Variants in OLFM2 observed in about 807,000 individuals in gnomAD.
The protein encoded by OLFM2 is noelin-2.
In OLFM2, 20 loss-of-function variants were observed where a neutral mutation model predicts 43.9. The observed-to-expected ratio is 0.46, with a 90% CI of 0.32 to 0.66. The LOEUF (loss-of-function observed/expected upper bound fraction) is 0.66. Among genes scored for constraint, OLFM2 ranks in the 30% least tolerant of loss-of-function variants. OLFM2 has a pLI of 0.04. For synonymous variants in OLFM2, 268 were observed against 278.6 expected, an observed-to-expected ratio of 0.96 and a Z score of 0.38; for missense variants, 416 against 643.6, an observed-to-expected ratio of 0.65 and a Z score of 3.83.
In OLFM2 at chr19:9,856,989, G is replaced by A; in HGVS notation, c.581-76C>T. 8 of 1,238,842 alleles carry A rather than the reference G, an allele frequency of 6.5e-6. No homozygotes were observed. Among genetic ancestry groups the A allele is most frequent in the Non-Finnish European group, 9.3e-6 (8 of 862,766 alleles). The allele number at this position is 1,238,842 out of a possible 1,614,324, so 76.7% of individuals were successfully genotyped here. A position where few individuals can be genotyped will look rare whatever the true frequency, so the allele number is the denominator to read the frequency against. Reference sequence around the variant, plus strand: ...AGAGGCCAGGCAAAGATGAAGTGCTGTGATCAAGTTGGGAAAGCTGGGACC... The same window carrying A: ...AGAGGCCAGGCAAAGATGAAGTGCTATGATCAAGTTGGGAAAGCTGGGACC... On this transcript the variant is annotated intron_variant, in intron 4 of 5. Transcript: ENST00000264833. The surrounding 1 kb of genome is among the most constrained non-coding windows in gnomAD (Gnocchi z 4.0).
intron 5 of OLFM2, among the ~76,000 whole-genome samples, chr19:9,855,541 T>C (rs892025660): frequency 2.7e-5 from 4 of 150,356 alleles, no homozygotes. Context: ...CCTGGCCTTT[T>C]TTTTTCTTTT....
chr19:9,917,363 C>T (rs1243337954), intron 1 of OLFM2, among the ~76,000 whole-genome samples: 2 of 148,670 alleles, frequency 1.3e-5, no homozygotes, highest in African/African-American at 5.0e-5. Context: ...TATCTCTGCT[C>T]TGTCATTGTG....
rs184941234 is a variant in OLFM2, at chr19:9,931,695, C to T, written c.63+4609G>A. 3.8e-4 allele frequency among the ~76,000 whole-genome samples: 51 copies of T among 133,908 alleles called. 1 individual carries two copies. In the East Asian group the frequency reaches 8.4e-3, roughly 22 times the overall value. The allele number at this position is 133,908 out of a possible 152,430, so 87.8% of individuals were successfully genotyped here. A position where few individuals can be genotyped will look rare whatever the true frequency, so the allele number is the denominator to read the frequency against. On this transcript the variant is annotated intron_variant, in intron 1 of 5. Transcript: ENST00000264833. ...CTGTACTCCAGCATGGGTGACAGAA[C>T]AAGACTCCATCTCAAAAATAAAAAA...
At chr19:9,902,486 G>A (rs948714006) in intron 1 of OLFM2, among the ~76,000 whole-genome samples, 1 of 146,544 alleles carries the variant, frequency 6.8e-6, no homozygotes, top group African/African-American at 2.5e-5. Context: ...GGGTTCAAGC[G>A]ATTCTCCTGC....
intron 1 of OLFM2, among the ~76,000 whole-genome samples, chr19:9,929,875 A>G (rs2086472662): frequency 6.6e-6 from 1 of 152,010 alleles, no homozygotes; most frequent in Admixed American, 6.6e-5. Context: ...CCTCGTCTCT[A>G]CTAAAAATAC....
chr19:9,854,419 C>G lies in OLFM2; in HGVS notation c.1132G>C (p.Gly378Arg), dbSNP rs1303295981. The G allele has an allele frequency of 6.2e-7, 1 of 1,614,172 alleles. No individual in the cohort carries two copies. The highest frequency in any genetic ancestry group is 8.5e-7 in the Non-Finnish European group (1 of 1,180,034). Residue 378 changes from glycine to arginine, a missense_variant, in exon 6 of 6, where the codon GGT (glycine) becomes CGT (arginine). Gly to Arg is a moderately radical substitution (Grantham distance 125). Coordinates refer to ENST00000264833, the MANE Select transcript of OLFM2 (RefSeq NM_058164.4). The surrounding 1 kb of genome is among the most constrained non-coding windows in gnomAD (Gnocchi z 9.5). ...RSAGEAFMIC[G>R]VLYVTNSHLA... ...TGGGAGTTGGTCACGTAGAGCACAC[C>G]GCAGATCATGAAGGCCTCGCCAGCG... is the stretch of plus-strand genomic sequence containing the variant.
At position 9,854,619 on chromosome 19, in the gene OLFM2, T is replaced by G. The variant is rs763408064; in HGVS notation, c.932A>C (p.Asn311Thr). 30 of 1,613,900 alleles carry G rather than the reference T, an allele frequency of 1.9e-5. No individual in the cohort carries two copies. Among genetic ancestry groups the G allele is most frequent in the East Asian group, 4.5e-5 (2 of 44,890 alleles). Reference protein sequence around the residue: ...QRSLPGAGYNNTFPYSWGGFS... With the variant: ...QRSLPGAGYNTTFPYSWGGFS... Reference sequence around the variant, plus strand: ...GCCGCCCCAGGAGTAGGGGAAGGTGTTGTTGTAACCGGCGCCCGGGAGGCT... The same window carrying G: ...GCCGCCCCAGGAGTAGGGGAAGGTGGTGTTGTAACCGGCGCCCGGGAGGCT... The change falls in exon 6 of 6, where the codon AAC becomes ACC. Residue 311 changes from asparagine to threonine, a missense_variant. Coordinates refer to ENST00000264833, the MANE Select transcript of OLFM2 (RefSeq NM_058164.4). This position sits in a 1 kb window ranked among gnomAD's most constrained non-coding sequence, Gnocchi z 9.5.
chr19:9,901,061 AG>A (rs2046733273), intron 1 of OLFM2, among the ~76,000 whole-genome samples: 1 of 49,802 alleles, frequency 2.0e-5, no homozygotes, highest in African/African-American at 8.8e-5. Flanking sequence ...GGAGGGAGGG[AG>A]GGAAGGGAGG....
intron 1 of OLFM2, among the ~76,000 whole-genome samples, chr19:9,932,695 C>T (rs1450230292): frequency 6.6e-6 from 1 of 152,112 alleles, no homozygotes; most frequent in African/African-American, 2.4e-5. Flanking sequence ...TCCTTCTCCC[C>T]ATCCTCTGAA....
chr19:9,912,180 C>A (rs2046832401), intron 1 of OLFM2, among the ~76,000 whole-genome samples: 2 of 152,104 alleles, frequency 1.3e-5, no homozygotes, highest in African/African-American at 4.8e-5. Context: ...CTTAATGTGA[C>A]AGACACACAG....
At chr19:9,897,066 C>A (rs1204333688) in intron 1 of OLFM2, among the ~76,000 whole-genome samples, 1 of 152,148 alleles carries the variant, frequency 6.6e-6, no homozygotes, top group African/African-American at 2.4e-5. Context: ...TGGTGGCTCA[C>A]ACCTGTAATC....
intron 1 of OLFM2, 105 bp from the exon 2 acceptor site, chr19:9,860,899 G>A: frequency 8.3e-7 from 1 of 1,209,816 alleles, no homozygotes. Context: ...CCCTTTGCTG[G>A]GCTCCGGGCA....
At chr19:9,891,714 A>G (rs978394808) in intron 1 of OLFM2, among the ~76,000 whole-genome samples, 1 of 152,016 alleles carries the variant, frequency 6.6e-6, no homozygotes, top group Non-Finnish European at 1.5e-5. Flanking sequence ...CTCATGTATC[A>G]TGAGCAAAAG....
intron 1 of OLFM2, among the ~76,000 whole-genome samples, chr19:9,928,766 C>G (rs553542111): frequency 6.6e-6 from 1 of 151,456 alleles, no homozygotes; most frequent in African/African-American, 2.4e-5. Context: ...GATCGTGCCA[C>G]TGCACTCCAG....
intron 1 of OLFM2, among the ~76,000 whole-genome samples, chr19:9,920,948 T>TA (rs1491233068): frequency 1.1e-4 from 16 of 151,912 alleles, no homozygotes; most frequent in African/African-American, 3.1e-4. Flanking sequence ...TTCTGGGTGG[T>TA]AAAAAACTCG....
Position 9,936,358 on chromosome 19 carries a change from C to A in OLFM2, c.9G>T (p.Pro3=). The change falls in exon 1 of 6, where the codon CCG becomes CCT. Residue 3 remains proline, a synonymous_variant. Coordinates refer to ENST00000264833, the MANE Select transcript of OLFM2 (RefSeq NM_058164.4). ...GCAGCAGCGGCGGCGGGACCGTGAG[C>A]GGCCACATGACGCGCCCCTAGCCCG... MW[P]LTVPPPLLLL... 1 of 1,498,072 alleles carries A rather than the reference C, an allele frequency of 6.7e-7. No individual in the cohort carries two copies. 92.8% of individuals were successfully genotyped at this position (1,498,072 alleles called of 1,614,324 possible).
intron 1 of OLFM2, among the ~76,000 whole-genome samples, chr19:9,902,113 C>G (rs2046745355): frequency 6.6e-6 from 1 of 151,870 alleles, no homozygotes; most frequent in Admixed American, 6.6e-5. Context: ...ACTGCAAGCT[C>G]TGCCTCCTAG....
intron 1 of OLFM2, among the ~76,000 whole-genome samples, chr19:9,920,376 T>C (rs545565489): frequency 6.6e-6 from 1 of 152,286 alleles, no homozygotes; most frequent in Admixed American, 6.5e-5. Context: ...CCTTAAATTT[T>C]GAGCCCAAGA....
chr19:9,910,496 G>C (rs1466589707), intron 1 of OLFM2, among the ~76,000 whole-genome samples: 1 of 152,144 alleles, frequency 6.6e-6, no homozygotes, highest in Non-Finnish European at 1.5e-5. Context: ...CGAGGAGGGA[G>C]GATCCCTTGA....
Sources: allele counts gnomAD v4.1 joint callset (sites outside exome capture counted in the v4.1 genomes callset), GRCh38; gene constraint gnomAD v4.1.1; non-coding constraint Gnocchi (gnomAD v3.1); transcripts MANE v1.5; gene names NCBI Gene and HGNC (gene_info 2026-07-23, HGNC 2026-07-21).